The following TENM4 variants were observed in gnomAD, a reference collection of about 807,000 sequenced individuals.
The protein encoded by TENM4 is teneurin-4.
TENM4 carries 82 observed loss-of-function variants against 243.3 expected under a neutral mutation model. The observed-to-expected ratio is 0.34, with a 90% CI of 0.28 to 0.40. TENM4 has a LOEUF of 0.40. Ranked by LOEUF, TENM4 falls within the 10% of genes least tolerant of loss-of-function variation. The pLI, the probability that TENM4 is intolerant of heterozygous loss-of-function variation, is 1.00. For synonymous variants in TENM4, 1,412 were observed against 1,456.3 expected (o/e 0.97, Z 0.69); for missense variants, 3,138 against 3,673.3 (o/e 0.85, Z 3.77).
chr11:78,965,811 G>C (rs542418942), intron 6 of TENM4, among the ~76,000 whole-genome samples: 1 of 136,848 alleles, frequency 7.3e-6, no homozygotes, highest in Admixed American at 7.1e-5. Context: ...CAGAGTTTCT[G>C]TGAAGTACAG....
chr11:79,439,805 C>T (rs967114365), intron 1 of TENM4, among the ~76,000 whole-genome samples: 2 of 152,186 alleles, frequency 1.3e-5, no homozygotes, highest in Non-Finnish European at 2.9e-5. Context: ...GCACATTTCC[C>T]GAAGCTGGGG....
intron 1 of TENM4, among the ~76,000 whole-genome samples, chr11:79,399,669 C>CACAT (rs2135553607): frequency 6.6e-6 from 1 of 152,060 alleles, no homozygotes; most frequent in East Asian, 1.9e-4. Flanking sequence ...CTGGTGGAAA[C>CACAT]ACATACATTC....
chr11:78,728,811 C>T (rs1466081890), intron 22 of TENM4, among the ~76,000 whole-genome samples: 1 of 152,166 alleles, frequency 6.6e-6, no homozygotes, highest in African/African-American at 2.4e-5. Context: ...GAAATGCATA[C>T]AGCCAGCCCC....
chr11:79,080,995 G>T (rs1860655291), intron 4 of TENM4, among the ~76,000 whole-genome samples: 1 of 152,198 alleles, frequency 6.6e-6, no homozygotes, highest in African/African-American at 2.4e-5. Context: ...TTACCTGGGT[G>T]CCCTATTAGG....
chr11:78,659,741 T>C (rs906036901), intron 33 of TENM4, among the ~76,000 whole-genome samples: 1 of 152,176 alleles, frequency 6.6e-6, no homozygotes, highest in African/African-American at 2.4e-5. Context: ...GCCCCTACTC[T>C]TGGCTGCTTT....
At chr11:79,384,073 A>C (rs3017636) in intron 1 of TENM4, among the ~76,000 whole-genome samples, 76,696 of 151,554 alleles carry the variant, frequency 0.51, 19,459 homozygotes, top group Non-Finnish European at 0.55. Flanking sequence ...AGCCAGCCAG[A>C]CAGACAGGCA....
intron 2 of TENM4, among the ~76,000 whole-genome samples, chr11:79,288,450 A>T (rs941372372): frequency 6.6e-6 from 1 of 152,222 alleles, no homozygotes; most frequent in African/African-American, 2.4e-5. Flanking sequence ...GACCTGTGGG[A>T]TTGAAAATCA....
In TENM4 at chr11:78,726,217, CGG is replaced by C; in HGVS notation, c.3410_3411del (p.Ser1137CysfsTer4). ...GGGCAGGATTCATATTCATAACCCA[CGG>C]AAACTGTAGGTGACAGAATGAGGCA... The part of the protein sequence containing the change: ...KVFGLSEAFV[S>X]VGYEYESCPD... On this transcript the variant is annotated frameshift_variant, in exon 23 of 34. Coordinates refer to ENST00000278550, the MANE Select transcript of TENM4 (RefSeq NM_001098816.3). LOFTEE classifies it high-confidence loss of function. 1 of 1,613,592 alleles carries C rather than the reference CGG, an allele frequency of 6.2e-7. No individual in the cohort carries two copies. The highest frequency in any genetic ancestry group is 8.5e-7 in the Non-Finnish European group (1 of 1,179,706).
At chr11:79,357,584 T>C (rs1857519096) in intron 1 of TENM4, among the ~76,000 whole-genome samples, 1 of 152,226 alleles carries the variant, frequency 6.6e-6, no homozygotes, top group Non-Finnish European at 1.5e-5. Flanking sequence ...TACCCCAACC[T>C]GATCATAACC....
chr11:79,094,095 A>G (rs1861022776), intron 4 of TENM4, among the ~76,000 whole-genome samples: 1 of 152,226 alleles, frequency 6.6e-6, no homozygotes, highest in Admixed American at 6.5e-5. Flanking sequence ...GGAAGGTTCC[A>G]CTGGACAGAG....
chr11:79,282,255 G>T (rs1336072495), intron 2 of TENM4, among the ~76,000 whole-genome samples: 1 of 152,178 alleles, frequency 6.6e-6, no homozygotes, highest in African/African-American at 2.4e-5. Flanking sequence ...GGTAGCAATT[G>T]TTTGTATAGA....
intron 15 of TENM4, among the ~76,000 whole-genome samples, chr11:78,800,284 G>A (rs1857253913): frequency 1.3e-5 from 2 of 152,152 alleles, no homozygotes; most frequent in African/African-American, 4.8e-5. Context: ...AGTTGATGAG[G>A]CATTCAGCCC....
chr11:78,718,902 G>A (rs1859583709), intron 25 of TENM4, among the ~76,000 whole-genome samples: 1 of 151,976 alleles, frequency 6.6e-6, no homozygotes, highest in Non-Finnish European at 1.5e-5. Flanking sequence ...CTCCTTTTTT[G>A]TTACCAATTT....
Position 79,079,608 on chromosome 11 carries a change from T to C in TENM4, c.-65-9599A>G, listed in dbSNP as rs570829575. Among the ~76,000 whole-genome samples, 41 of 152,176 alleles carry C rather than the reference T, an allele frequency of 2.7e-4. No individual in the cohort carries two copies. In the South Asian group the frequency reaches 7.3e-3, roughly 27 times the overall value. On this transcript the variant is annotated intron_variant, in intron 4 of 33. Transcript: ENST00000278550. The stretch of plus-strand genomic sequence containing the variant: ...ACTTTGGGAGGCCAAGGAGGGCAGA[T>C]CACTTGAGGCCGGGAGTTTGTGACC...
chr11:79,071,637 C>A (rs1219123866), intron 4 of TENM4, among the ~76,000 whole-genome samples: 1 of 152,200 alleles, frequency 6.6e-6, no homozygotes, highest in Non-Finnish European at 1.5e-5. Flanking sequence ...TGCTCTGAGG[C>A]TCGTAGTTTC....
intron 6 of TENM4, among the ~76,000 whole-genome samples, chr11:78,958,670 TG>T (rs1487778443): frequency 1.3e-5 from 2 of 152,196 alleles, no homozygotes; most frequent in Admixed American, 1.3e-4. Flanking sequence ...TTGACACAGC[TG>T]TGGGCAGAGG....
At chr11:79,220,038 A>C (rs12226662) in intron 2 of TENM4, among the ~76,000 whole-genome samples, 6,757 of 152,274 alleles carry the variant, frequency 0.044, 214 homozygotes, top group East Asian at 0.15. Flanking sequence ...CAGTGGATAC[A>C]GAAACCCGGG....
Position 79,183,994 on chromosome 11 carries a change from C to T in TENM4, c.-163+31814G>A, listed in dbSNP as rs568269190. On this transcript the variant is annotated intron_variant, in intron 3 of 33. Coordinates refer to ENST00000278550, the MANE Select transcript of TENM4 (RefSeq NM_001098816.3). ...AGAATGATCTTATGATCCAACTATT[C>T]TATTTTTGAATATATACCCAAAAGA... Among the ~76,000 whole-genome samples, 7 of 152,256 alleles carry T rather than the reference C, an allele frequency of 4.6e-5. No homozygotes were observed. In the South Asian group the frequency reaches 1.5e-3, roughly 32 times the overall value.
At chr11:79,166,127 G>A (rs1011345795) in intron 3 of TENM4, among the ~76,000 whole-genome samples, 9 of 152,212 alleles carry the variant, frequency 5.9e-5, no homozygotes, top group South Asian at 2.1e-4. Context: ...AATCATCACC[G>A]CCAGCAGCAG....
Sources: allele counts gnomAD v4.1 joint callset (sites outside exome capture counted in the v4.1 genomes callset), GRCh38; gene constraint gnomAD v4.1.1; transcripts MANE v1.5; gene names NCBI Gene and HGNC (gene_info 2026-07-23, HGNC 2026-07-21).